SLC7A5: variants seen among roughly 807,000 people sequenced by gnomAD.
The protein encoded by SLC7A5 is solute carrier family 7 member 5, also known as large neutral amino acids transporter small subunit 1.
A neutral mutation model predicts 50.2 loss-of-function variants in SLC7A5; 23 were observed. That is an observed-to-expected ratio of 0.46 (90% CI 0.33 to 0.65). The LOEUF (loss-of-function observed/expected upper bound fraction) is 0.65. SLC7A5 is among the 30% of genes least tolerant of loss of function. The probability of loss-of-function intolerance (pLI) is 0.02; values close to 1 mark genes in which losing one functional copy is unlikely to be tolerated. For synonymous variants in SLC7A5, 393 were observed against 330.6 expected (o/e 1.19, Z -2.05); for missense variants, 578 against 684.4 (o/e 0.84, Z 1.73).
Position 87,833,204 on chromosome 16 carries a change from A to T in SLC7A5, c.1469-179T>A, listed in dbSNP as rs735843. Among the ~76,000 whole-genome samples, 1 of 152,180 alleles carries T rather than the reference A, an allele frequency of 6.6e-6. No homozygotes were observed. Among genetic ancestry groups the T allele is most frequent in the Admixed American group, 6.5e-5 (1 of 15,288 alleles). ...TGCGCATGTGGGTGCCGGGTGCCCG[A>T]GGCGCTGTCTTCAACTGAAATGCGG... On this transcript the variant is annotated intron_variant, in intron 9 of 9. Transcript: ENST00000261622. This position sits in a 1 kb window ranked among gnomAD's most constrained non-coding sequence, Gnocchi z 6.0.
chr16:87,838,241 G>A (rs562126491), intron 6 of SLC7A5, among the ~76,000 whole-genome samples: 1 of 152,066 alleles, frequency 6.6e-6, no homozygotes, highest in South Asian at 2.1e-4. Flanking sequence ...GGAGGCGAGG[G>A]CCAAAGTTCA....
intron 2 of SLC7A5, among the ~76,000 whole-genome samples, chr16:87,846,482 C>A (rs932258349): frequency 7.9e-5 from 12 of 152,240 alleles, no homozygotes; most frequent in African/African-American, 2.2e-4. Flanking sequence ...GCCCTAACCC[C>A]GGTGTGGCTG....
At chr16:87,836,838 AGGAGGAGGGAAGAGGCGG>A in intron 7 of SLC7A5, 191 bp from the exon 8 acceptor site, 1 of 388,250 alleles carries the variant, frequency 2.6e-6, no homozygotes, top group South Asian at 1.9e-5. Flanking sequence ...GAGGGAGGAG[AGGAGGAGGGAAGAGGCGG>A]GGAGGAGGGA....
In SLC7A5 at chr16:87,869,375, G is replaced by A; in HGVS notation, c.48C>T (p.Ala16=). The A allele has an allele frequency of 1.9e-6, 3 of 1,599,622 alleles. No individual in the cohort carries two copies. The highest frequency in any genetic ancestry group is 1.1e-5 in the South Asian group (1 of 90,358). ...TCTCCCGCGCCTCTTCCTTCTCCTC[G>A]GCCGCCGGCGCCGCTAGCGCGCGCC... ...PKRRALAAPA[A]EEKEEAREKM... The change falls in exon 1 of 10, where the codon GCC becomes GCT. Residue 16 remains alanine, a synonymous_variant. Transcript: ENST00000261622.
At chr16:87,859,770 C>G (rs557664386) in intron 1 of SLC7A5, among the ~76,000 whole-genome samples, 1 of 151,888 alleles carries the variant, frequency 6.6e-6, no homozygotes, top group African/African-American at 2.4e-5. Flanking sequence ...GAAACCCCAT[C>G]TCTACTAAAA....
chr16:87,839,867 G>A, intron 4 of SLC7A5, 42 bp from the exon 5 acceptor site: 1 of 1,611,994 alleles, frequency 6.2e-7, no homozygotes, highest in Non-Finnish European at 8.5e-7. Flanking sequence ...CGCAGCCCGG[G>A]CTGAAGGCCA....
intron 1 of SLC7A5, among the ~76,000 whole-genome samples, chr16:87,856,892 C>T (rs1396293765): frequency 1.3e-5 from 2 of 152,168 alleles, no homozygotes; most frequent in South Asian, 2.1e-4. Flanking sequence ...CAGGCAGGTC[C>T]GGGAGATGGA....
rs1285698004 is a variant in SLC7A5, at chr16:87,853,052, C to T, written c.539-1203G>A. ...TCAGATCTCACAGCCCTCCCGGCAC[C>T]GCACCACTAAGACTGCAGGAAGGTG... On this transcript the variant is annotated intron_variant, in intron 1 of 9. Coordinates refer to ENST00000261622, the MANE Select transcript of SLC7A5 (RefSeq NM_003486.7). The surrounding 1 kb of genome is among the most constrained non-coding windows in gnomAD (Gnocchi z 4.4). 3.3e-5 allele frequency among the ~76,000 whole-genome samples: 5 copies of T among 152,196 alleles called. No homozygotes were observed. The highest frequency in any genetic ancestry group is 1.3e-4 in the Admixed American group (2 of 15,282).
chr16:87,834,399 C>T lies in SLC7A5; in HGVS notation c.1468+15G>A. The T allele has an allele frequency of 6.4e-7, 1 of 1,551,652 alleles. No homozygotes were observed. Among genetic ancestry groups the T allele is most frequent in the Non-Finnish European group, 8.7e-7 (1 of 1,147,228 alleles). ...GCAGAGGGTACCACGGGCTGTGGGC[C>T]AGCGAGATACTCACAGATGCCCTGG... is the stretch of plus-strand genomic sequence containing the variant. On this transcript the variant is annotated intron_variant, in intron 9 of 9. Transcript: ENST00000261622.
In SLC7A5 at chr16:87,852,394, G is replaced by A. The variant is rs1351626888; in HGVS notation, c.539-545C>T. ...ACTACCTGGCCAGTCACCTGGGGACGGCAGCCTGGGAGGGGCCACAGGGGC... is the reference window on the plus strand; with the variant it reads ...ACTACCTGGCCAGTCACCTGGGGACAGCAGCCTGGGAGGGGCCACAGGGGC... On this transcript the variant is annotated intron_variant, in intron 1 of 9. Transcript: ENST00000261622. This position sits in a 1 kb window ranked among gnomAD's most constrained non-coding sequence, Gnocchi z 4.5. Among the ~76,000 whole-genome samples the A allele has an allele frequency of 6.6e-6, 1 of 152,208 alleles. No individual in the cohort carries two copies. Among genetic ancestry groups the A allele is most frequent in the South Asian group, 2.1e-4 (1 of 4,834 alleles).
At chr16:87,835,764 G>A (rs140589010) in intron 8 of SLC7A5, among the ~76,000 whole-genome samples, 3,368 of 152,238 alleles carry the variant, frequency 0.022, 117 homozygotes, top group African/African-American at 0.071. Flanking sequence ...GTGAGCCACC[G>A]CGCCCAGCCT....
In SLC7A5 at chr16:87,841,324, G is replaced by C. The variant is rs1303569047; in HGVS notation, c.665-169C>G. Among the ~76,000 whole-genome samples, 2 of 152,188 alleles carry C rather than the reference G, an allele frequency of 1.3e-5. No homozygotes were observed. Among genetic ancestry groups the C allele is most frequent in the Non-Finnish European group, 2.9e-5 (2 of 68,026 alleles). ...CCTGCTGAGCCACATGGAGGGTGCA[G>C]GGTTCCAACCACAACCAGGGGGATG... is the stretch of plus-strand genomic sequence containing the variant. On this transcript the variant is annotated intron_variant, in intron 2 of 9. Coordinates refer to ENST00000261622, the MANE Select transcript of SLC7A5 (RefSeq NM_003486.7). This position sits in a 1 kb window ranked among gnomAD's most constrained non-coding sequence, Gnocchi z 4.8.
chr16:87,837,117 G>C (rs59478863), intron 7 of SLC7A5, among the ~76,000 whole-genome samples: 22,878 of 152,234 alleles, frequency 0.15, 3,546 homozygotes, highest in African/African-American at 0.39. Flanking sequence ...CTTCCTGACT[G>C]GCTTCTAACT....
chr16:87,852,517 A>G lies in SLC7A5; in HGVS notation c.539-668T>C, dbSNP rs1237357129. Among the ~76,000 whole-genome samples, 1 of 152,114 alleles carries G rather than the reference A, an allele frequency of 6.6e-6. No individual in the cohort carries two copies. Among genetic ancestry groups the G allele is most frequent in the East Asian group, 1.9e-4 (1 of 5,184 alleles). ...GTGCTTCAGAAGCCTGAGTGACCCC[A>G]CACAGATGGCCAGAACGCCTGCCCC... On this transcript the variant is annotated intron_variant, in intron 1 of 9. Coordinates refer to ENST00000261622, the MANE Select transcript of SLC7A5 (RefSeq NM_003486.7). The surrounding 1 kb of genome is among the most constrained non-coding windows in gnomAD (Gnocchi z 4.5).
At position 87,863,445 on chromosome 16, in the gene SLC7A5, C is replaced by T. The variant is rs549056630; in HGVS notation, c.538+5440G>A. 8 of 152,340 alleles carry T rather than the reference C, an allele frequency of 5.3e-5. No homozygotes were observed. The East Asian group carries it at 1.2e-3, about 22-fold the overall frequency. The allele number at this position is 152,340 out of a possible 1,614,324, so 9.4% of individuals were successfully genotyped here. A position where few individuals can be genotyped will look rare whatever the true frequency, so the allele number is the denominator to read the frequency against. On this transcript the variant is annotated intron_variant, in intron 1 of 9. Transcript: ENST00000261622. The stretch of plus-strand genomic sequence containing the variant: ...CAGAATCTCAGCTCCAGCCTTTGCG[C>T]CTTCTGATAAAACCCAGCATCGCTT...
intron 5 of SLC7A5, among the ~76,000 whole-genome samples, chr16:87,839,165 C>T (rs545474950): frequency 7.2e-5 from 11 of 152,356 alleles, no homozygotes; most frequent in African/African-American, 2.6e-4. Flanking sequence ...GGCTGGGAGT[C>T]AGAGCTTGTT....
At chr16:87,854,482 C>A (rs12926738) in intron 1 of SLC7A5, among the ~76,000 whole-genome samples, 21,086 of 152,248 alleles carry the variant, frequency 0.14, 1,610 homozygotes, top group South Asian at 0.25. Context: ...CAGGATAAGT[C>A]TGGGGTTTGA....
rs1017018238 is a variant in SLC7A5 at position 87,841,930 on chromosome 16, T to A, written c.665-775A>T. On this transcript the variant is annotated intron_variant, in intron 2 of 9. Transcript: ENST00000261622. The surrounding 1 kb of genome is among the most constrained non-coding windows in gnomAD (Gnocchi z 4.8). ...CATTCACAGGTTCCCCAGGAGGACA[T>A]GTCTTTTGGGGGAAGGGGTGTCTCC... is the stretch of plus-strand genomic sequence containing the variant. Among the ~76,000 whole-genome samples the A allele has an allele frequency of 3.9e-5, 6 of 152,320 alleles. No homozygotes were observed. The highest frequency in any genetic ancestry group is 8.8e-5 in the Non-Finnish European group (6 of 68,018).
chr16:87,847,553 G>A lies in SLC7A5; in HGVS notation c.664+4171C>T, dbSNP rs539175667. On this transcript the variant is annotated intron_variant, in intron 2 of 9. Transcript: ENST00000261622. The stretch of plus-strand genomic sequence containing the variant: ...AGACCTCCACCCTCTCAGGATGGAC[G>A]TGTTACTCAGGAACTGTCCCGTCAG... 1.2e-4 allele frequency among the ~76,000 whole-genome samples: 18 copies of A among 152,294 alleles called. No homozygotes were observed. In the East Asian group the frequency reaches 3.3e-3, roughly 28 times the overall value.
Sources: allele counts gnomAD v4.1 joint callset (sites outside exome capture counted in the v4.1 genomes callset), GRCh38; gene constraint gnomAD v4.1.1; non-coding constraint Gnocchi (gnomAD v3.1); transcripts MANE v1.5; gene names NCBI Gene and HGNC (gene_info 2026-07-23, HGNC 2026-07-21).